The following GPC5 variants were observed in gnomAD, a reference collection of about 807,000 sequenced individuals.
The protein encoded by GPC5 is glypican 5.
Under a neutral mutation model 53.9 loss-of-function variants are expected in GPC5, and 47 were observed. The ratio of observed to expected loss-of-function variants is 0.87; its 90% confidence interval spans 0.69 to 1.11. The LOEUF is 1.11. Ranked by LOEUF, GPC5 falls within the 50% of genes most tolerant of loss-of-function variation. The pLI, the probability that GPC5 is intolerant of heterozygous loss-of-function variation, is 0.00. For synonymous variants in GPC5, 286 were observed against 263.3 expected, an observed-to-expected ratio of 1.09 and a Z score of -0.84; for missense variants, 748 against 713.1, an observed-to-expected ratio of 1.05 and a Z score of -0.56.
chr13:92,288,381 A>T (rs1012075769), intron 7 of GPC5, among the ~76,000 whole-genome samples: 9 of 152,198 alleles, frequency 5.9e-5, no homozygotes, highest in African/African-American at 2.2e-4. Context: ...TGGAATTCAG[A>T]TTCTCTCTTT....
At chr13:91,905,375 T>A (rs2039542514) in intron 5 of GPC5, among the ~76,000 whole-genome samples, 2 of 151,986 alleles carry the variant, frequency 1.3e-5, no homozygotes, top group Non-Finnish European at 2.9e-5. Flanking sequence ...GGTTTCCTTG[T>A]ACTATTTGTT....
At chr13:92,593,053 G>C (rs1883764137) in intron 7 of GPC5, among the ~76,000 whole-genome samples, 1 of 151,230 alleles carries the variant, frequency 6.6e-6, no homozygotes, top group Admixed American at 6.6e-5. Context: ...CTAGAGTGGA[G>C]TGAATGAGGT....
chr13:91,872,026 ACT>A (rs2039150812), intron 5 of GPC5, among the ~76,000 whole-genome samples: 2 of 152,022 alleles, frequency 1.3e-5, no homozygotes, highest in Non-Finnish European at 2.9e-5. Context: ...AAGGGAAAAC[ACT>A]CTGAAAATAC....
intron 7 of GPC5, among the ~76,000 whole-genome samples, chr13:92,433,759 C>T (rs975854367): frequency 6.6e-6 from 1 of 151,994 alleles, no homozygotes; most frequent in Non-Finnish European, 1.5e-5. Flanking sequence ...AGCCTGTTGC[C>T]GTGTGTTGAG....
chr13:92,276,555 A>G (rs1458212878), intron 7 of GPC5, among the ~76,000 whole-genome samples: 1 of 151,972 alleles, frequency 6.6e-6, no homozygotes, highest in African/African-American at 2.4e-5. Flanking sequence ...TGACCATTAC[A>G]TTTTCCTGGG....
At position 92,703,052 on chromosome 13, in the gene GPC5, A is replaced by ATATTTATT. The variant is rs138015246; in HGVS notation, c.1562-163200_1562-163193dup. 6.2e-3 allele frequency among the ~76,000 whole-genome samples: 897 copies of ATATTTATT among 145,794 alleles called. 10 individuals carry two copies. Among genetic ancestry groups the ATATTTATT allele is most frequent in the African/African-American group, 0.013 (517 of 39,626 alleles). On this transcript the variant is annotated intron_variant, in intron 7 of 7. Coordinates refer to ENST00000377067, the MANE Select transcript of GPC5 (RefSeq NM_004466.6). ...TCATCCCTATACCTGGCATATATAT[A>ATATTTATT]TATTTATTTATTTATTTATTTATTT...
intron 6 of GPC5, among the ~76,000 whole-genome samples, chr13:92,112,129 A>C (rs1209400458): frequency 6.6e-6 from 1 of 152,178 alleles, no homozygotes; most frequent in East Asian, 1.9e-4. Context: ...GGAAGGTAAC[A>C]ATTTTGTTGA....
intron 7 of GPC5, among the ~76,000 whole-genome samples, chr13:92,385,782 T>TATATACATATATAC (rs199814375): frequency 8.5e-6 from 1 of 117,756 alleles, no homozygotes; most frequent in East Asian, 2.3e-4. Context: ...TATACATATA[T>TATATACATATATAC]GTATATATAT....
intron 7 of GPC5, among the ~76,000 whole-genome samples, chr13:92,465,623 C>T (rs1369815830): frequency 6.6e-6 from 1 of 152,034 alleles, no homozygotes; most frequent in Non-Finnish European, 1.5e-5. Context: ...ATGGCCACAT[C>T]ATTTCCACAT....
At chr13:92,525,834 A>C (rs1465316308) in intron 7 of GPC5, among the ~76,000 whole-genome samples, 1 of 152,060 alleles carries the variant, frequency 6.6e-6, no homozygotes, top group Non-Finnish European at 1.5e-5. Flanking sequence ...ATTCACAGCT[A>C]TATACTCCTC....
At chr13:92,034,162 A>G (rs1354606220) in intron 6 of GPC5, among the ~76,000 whole-genome samples, 1 of 152,222 alleles carries the variant, frequency 6.6e-6, no homozygotes, top group African/African-American at 2.4e-5. Flanking sequence ...CTATAATTTA[A>G]TATGGCAAAC....
chr13:92,095,227 T>G (rs2138902846), intron 6 of GPC5, among the ~76,000 whole-genome samples: 1 of 152,336 alleles, frequency 6.6e-6, no homozygotes, highest in African/African-American at 2.4e-5. Flanking sequence ...CTCATATAAA[T>G]TGGGCTTATT....
At chr13:92,294,347 T>C (rs2043018821) in intron 7 of GPC5, among the ~76,000 whole-genome samples, 1 of 152,112 alleles carries the variant, frequency 6.6e-6, no homozygotes. Context: ...TTGTTGTTGA[T>C]AATTTTTAAA....
intron 3 of GPC5, among the ~76,000 whole-genome samples, chr13:91,721,062 TC>T (rs1376086612): frequency 2.0e-5 from 3 of 147,698 alleles, no homozygotes; most frequent in African/African-American, 7.3e-5. Context: ...CTTCCTTCCT[TC>T]CCTTTCTTTC....
At chr13:92,481,676 C>G (rs1157572643) in intron 7 of GPC5, among the ~76,000 whole-genome samples, 4 of 152,100 alleles carry the variant, frequency 2.6e-5, no homozygotes, top group Non-Finnish European at 4.4e-5. Flanking sequence ...CACAGTTCAT[C>G]TCTTGGAGCT....
chr13:92,245,518 G>T (rs997676669), intron 7 of GPC5, among the ~76,000 whole-genome samples: 2 of 152,110 alleles, frequency 1.3e-5, no homozygotes, highest in Admixed American at 1.3e-4. Context: ...CTAAATAATT[G>T]TGGTGAAGAA....
chr13:92,860,036 T>G (rs1314679398), intron 7 of GPC5, among the ~76,000 whole-genome samples: 3 of 152,166 alleles, frequency 2.0e-5, no homozygotes, highest in Non-Finnish European at 4.4e-5. Flanking sequence ...AGTGACAATT[T>G]CCTTGCTATT....
chr13:92,753,976 G>C (rs926919614), intron 7 of GPC5, among the ~76,000 whole-genome samples: 2 of 135,936 alleles, frequency 1.5e-5, no homozygotes, highest in African/African-American at 5.6e-5. Flanking sequence ...GAAATACAGA[G>C]AACGCCACAA....
intron 7 of GPC5, among the ~76,000 whole-genome samples, chr13:92,476,686 C>T (rs1451927353): frequency 1.3e-5 from 2 of 149,166 alleles, no homozygotes; most frequent in African/African-American, 5.1e-5. Context: ...AAATGTGGCG[C>T]ATATACACCA....
Sources: allele counts gnomAD v4.1 joint callset (sites outside exome capture counted in the v4.1 genomes callset), GRCh38; gene constraint gnomAD v4.1.1; transcripts MANE v1.5; gene names NCBI Gene and HGNC (gene_info 2026-07-23, HGNC 2026-07-21).